The following VPS13B variants were observed in gnomAD, a reference collection of about 807,000 sequenced individuals.
VPS13B encodes the protein vacuolar protein sorting 13 homolog B, also known as intermembrane lipid transfer protein VPS13B.
A neutral mutation model predicts 426.4 loss-of-function variants in VPS13B; 285 were observed. The observed-to-expected ratio is 0.67, with a 90% CI of 0.61 to 0.74. The LOEUF (loss-of-function observed/expected upper bound fraction) is 0.74, where lower values mean the gene tolerates loss of function less well. Among genes scored for constraint, VPS13B ranks in the 30% least tolerant of loss-of-function variants. VPS13B has a pLI of 0.00. For synonymous variants in VPS13B, 1,676 were observed against 1,676.4 expected, an observed-to-expected ratio of 1.00 and a Z score of 0.01; for missense variants, 4,537 against 4,782.6, an observed-to-expected ratio of 0.95 and a Z score of 1.51.
intron 22 of VPS13B, among the ~76,000 whole-genome samples, chr8:99,434,219 T>C (rs915404760): frequency 6.6e-6 from 1 of 152,280 alleles, no homozygotes. Flanking sequence ...TCAGAAAATA[T>C]TTATGAAGTC....
At chr8:99,582,107 G>A (rs1157314913) in intron 33 of VPS13B, among the ~76,000 whole-genome samples, 1 of 151,810 alleles carries the variant, frequency 6.6e-6, no homozygotes, top group Admixed American at 6.6e-5. Flanking sequence ...GTGTTTAACA[G>A]GACTGTGGTT....
intron 16 of VPS13B, among the ~76,000 whole-genome samples, chr8:99,173,728 T>A (rs571368840): frequency 1.3e-5 from 2 of 152,306 alleles, no homozygotes; most frequent in African/African-American, 4.8e-5. Context: ...TTTTATGGAA[T>A]GTTTTGAACA....
intron 19 of VPS13B, among the ~76,000 whole-genome samples, chr8:99,316,818 G>T (rs1462319785): frequency 6.6e-6 from 1 of 152,170 alleles, no homozygotes. Context: ...CCATTGTGAA[G>T]CCCCTGTCTT....
intron 32 of VPS13B, 93 bp from the exon 33 acceptor site, chr8:99,577,397 C>T: frequency 6.4e-7 from 1 of 1,569,136 alleles, no homozygotes. Context: ...GGAAATGTCA[C>T]CAAAGTAGTG....
At chr8:99,279,491 C>T (rs1404698731) in intron 19 of VPS13B, among the ~76,000 whole-genome samples, 1 of 130,650 alleles carries the variant, frequency 7.7e-6, no homozygotes, top group African/African-American at 3.1e-5. Flanking sequence ...AACTCCTGGC[C>T]TCACGTAATC....
At chr8:99,742,134 G>A (rs1200622943) in intron 39 of VPS13B, among the ~76,000 whole-genome samples, 3 of 152,094 alleles carry the variant, frequency 2.0e-5, no homozygotes, top group Non-Finnish European at 2.9e-5. Context: ...GAAAAATGAT[G>A]AAGGGGACAT....
chr8:99,056,206 G>A (rs568926335), intron 3 of VPS13B, among the ~76,000 whole-genome samples: 6 of 152,000 alleles, frequency 3.9e-5, no homozygotes, highest in Middle Eastern at 3.4e-3. Flanking sequence ...ACAGGTGTGC[G>A]CCACTATGCC....
intron 35 of VPS13B, among the ~76,000 whole-genome samples, chr8:99,663,744 G>C (rs1029990237): frequency 6.6e-6 from 1 of 152,060 alleles, no homozygotes; most frequent in African/African-American, 2.4e-5. Context: ...GGGGAAACTT[G>C]GATTTACTTA....
chr8:99,447,915 C>T (rs1818002109), intron 23 of VPS13B, among the ~76,000 whole-genome samples: 1 of 151,620 alleles, frequency 6.6e-6, no homozygotes, highest in Non-Finnish European at 1.5e-5. Flanking sequence ...ATATATAGTG[C>T]CCATCATTCT....
chr8:99,203,615 C>T (rs1380641016), intron 17 of VPS13B, among the ~76,000 whole-genome samples: 3 of 152,176 alleles, frequency 2.0e-5, no homozygotes, highest in Non-Finnish European at 4.4e-5. Flanking sequence ...TAGAAAACCC[C>T]ATCGTCTCAG....
intron 15 of VPS13B, among the ~76,000 whole-genome samples, chr8:99,160,254 C>T (rs1238774545): frequency 6.6e-6 from 1 of 152,024 alleles, no homozygotes; most frequent in Non-Finnish European, 1.5e-5. Context: ...AAATGTTGAA[C>T]AATACATGTT....
chr8:99,292,220 C>T (rs1241926954), intron 19 of VPS13B, among the ~76,000 whole-genome samples: 1 of 152,052 alleles, frequency 6.6e-6, no homozygotes, highest in East Asian at 1.9e-4. Flanking sequence ...ATAAGTATGC[C>T]TCAGCCAGCC....
intron 33 of VPS13B, among the ~76,000 whole-genome samples, chr8:99,638,434 T>C (rs1829156709): frequency 6.6e-6 from 1 of 152,140 alleles, no homozygotes; most frequent in Admixed American, 6.6e-5. Context: ...TTTTCTTCAA[T>C]TGCTCACAAT....
At chr8:99,519,139 G>A (rs890501962) in intron 29 of VPS13B, among the ~76,000 whole-genome samples, 1 of 152,154 alleles carries the variant, frequency 6.6e-6, no homozygotes, top group Non-Finnish European at 1.5e-5. Flanking sequence ...CTTTTGAGAA[G>A]TGTCTGTTCA....
At chr8:99,617,917 C>T (rs1420816330) in intron 33 of VPS13B, among the ~76,000 whole-genome samples, 3 of 152,176 alleles carry the variant, frequency 2.0e-5, no homozygotes, top group Non-Finnish European at 2.9e-5. Context: ...GGTTATCAAC[C>T]TCATACCCAG....
In VPS13B at chr8:99,623,040, C is replaced by A. The variant is rs573327659; in HGVS notation, c.5221-18771C>A. Among the ~76,000 whole-genome samples, 3 of 152,324 alleles carry A rather than the reference C, an allele frequency of 2.0e-5. No individual in the cohort carries two copies. The East Asian group carries it at 5.8e-4, about 29-fold the overall frequency. On this transcript the variant is annotated intron_variant, in intron 33 of 61. Transcript: ENST00000357162. ...AAGTCAAGTGAGTCTCTTGTCCCCTCAAAAGCTTTCTTCAAGGAGTCCTGC... is the reference window on the plus strand; with the variant it reads ...AAGTCAAGTGAGTCTCTTGTCCCCTAAAAAGCTTTCTTCAAGGAGTCCTGC...
chr8:99,496,542 T>C lies in VPS13B; in HGVS notation c.3871-5145T>C, dbSNP rs544600003. On this transcript the variant is annotated intron_variant, in intron 25 of 61. Coordinates refer to ENST00000357162, the MANE Select transcript of VPS13B (RefSeq NM_152564.5). ...GGCAGGCACCTGTAGTCCCAGCTAC[T>C]TCGGAGGCTGAGGCAGGAGAATGGC... is the stretch of plus-strand genomic sequence containing the variant. Among the ~76,000 whole-genome samples the C allele has an allele frequency of 3.9e-5, 6 of 152,162 alleles. No homozygotes were observed. The South Asian group carries it at 1.2e-3, about 32-fold the overall frequency.
At chr8:99,793,883 G>A (rs1019135666) in intron 43 of VPS13B, among the ~76,000 whole-genome samples, 1 of 152,162 alleles carries the variant, frequency 6.6e-6, no homozygotes, top group African/African-American at 2.4e-5. Flanking sequence ...TAATTTCTTG[G>A]CACTTCAACT....
chr8:99,131,307 G>GT (rs1272430599), intron 8 of VPS13B, among the ~76,000 whole-genome samples: 2 of 152,094 alleles, frequency 1.3e-5, no homozygotes, highest in Non-Finnish European at 2.9e-5. Flanking sequence ...TTCATGATAT[G>GT]TTTTTTCTGT....
Sources: allele counts gnomAD v4.1 joint callset (sites outside exome capture counted in the v4.1 genomes callset), GRCh38; gene constraint gnomAD v4.1.1; transcripts MANE v1.5; gene names NCBI Gene and HGNC (gene_info 2026-07-23, HGNC 2026-07-21).